The following ACAD10 variants were observed in gnomAD, a reference collection of about 807,000 sequenced individuals.
The protein encoded by ACAD10 is acyl-CoA dehydrogenase family member 10.
Under a neutral mutation model 116.8 loss-of-function variants are expected in ACAD10, and 112 were observed. The ratio of observed to expected loss-of-function variants is 0.96; its 90% CI spans 0.82 to 1.12. The LOEUF (loss-of-function observed/expected upper bound fraction) is 1.12. ACAD10 is among the 50% of genes most tolerant of loss of function. The probability of loss-of-function intolerance (pLI) is 0.00; values close to 1 mark genes in which losing one functional copy is unlikely to be tolerated. For synonymous variants in ACAD10, 486 were observed against 510.6 expected (o/e 0.95, Z 0.65); for missense variants, 1,259 against 1,350.2 (o/e 0.93, Z 1.06).
chr12:111,736,866 C>T lies in ACAD10; in HGVS notation c.1576C>T (p.Pro526Ser), dbSNP rs1253538718. 8 of 1,613,768 alleles carry T rather than the reference C, an allele frequency of 5.0e-6. No individual in the cohort carries two copies. The African/African-American group carries it at 6.7e-5, about 13-fold the overall frequency. ...NDCDLTQLGIPAAEEYFRMYC... is the reference protein window; with the variant it reads ...NDCDLTQLGISAAEEYFRMYC... Reference sequence around the variant, plus strand: ...CTGTGACTTGACACAGCTGGGAATCCCTGCTGCAGAGGAGTATTTCAGGAT... The same window carrying T: ...CTGTGACTTGACACAGCTGGGAATCTCTGCTGCAGAGGAGTATTTCAGGAT... Residue 526 changes from proline to serine, a missense_variant, in exon 12 of 21, where the codon CCT (proline) becomes TCT (serine). Coordinates refer to ENST00000313698, the MANE Select transcript of ACAD10 (RefSeq NM_025247.6).
At chr12:111,713,985 T>C (rs1162942965) in intron 6 of ACAD10, among the ~76,000 whole-genome samples, 1 of 151,370 alleles carries the variant, frequency 6.6e-6, no homozygotes, top group African/African-American at 2.4e-5. Flanking sequence ...AGCTCACCCC[T>C]GTAATCCCCA....
chr12:111,719,687 C>T (rs1888959245), intron 7 of ACAD10, among the ~76,000 whole-genome samples: 2 of 151,756 alleles, frequency 1.3e-5, no homozygotes, highest in Non-Finnish European at 2.9e-5. Context: ...TAAGTAGGTA[C>T]AATTAAAGGC....
chr12:111,729,530 C>G (rs1405943727), intron 9 of ACAD10, among the ~76,000 whole-genome samples: 1 of 152,136 alleles, frequency 6.6e-6, no homozygotes, highest in Non-Finnish European at 1.5e-5. Flanking sequence ...CCATGGCCGG[C>G]CACAAGGTCT....
intron 20 of ACAD10, 177 bp downstream of exon 20, chr12:111,755,922 T>TCGTA: frequency 1.4e-6 from 1 of 737,000 alleles, no homozygotes. Flanking sequence ...GGAGGTGCCA[T>TCGTA]CGTACCCCCA....
chr12:111,756,089 AC>A, intron 20 of ACAD10: 1 of 1,358,460 alleles, frequency 7.4e-7, no homozygotes, highest in Non-Finnish European at 9.6e-7. Context: ...TTAGATCCTA[AC>A]CCCCGGCCCC....
intron 16 of ACAD10, 117 bp from the exon 17 acceptor site, chr12:111,748,200 C>T (rs928897158): frequency 1.0e-5 from 13 of 1,291,580 alleles, no homozygotes; most frequent in South Asian, 2.7e-5. Flanking sequence ...TTACATGGAG[C>T]CTTAAAGAGC....
At chr12:111,732,292 A>G (rs1889409755) in intron 10 of ACAD10, among the ~76,000 whole-genome samples, 1 of 152,220 alleles carries the variant, frequency 6.6e-6, no homozygotes, top group Non-Finnish European at 1.5e-5. Flanking sequence ...TGAGTAAAAT[A>G]AACCAATTTG....
intron 12 of ACAD10, among the ~76,000 whole-genome samples, chr12:111,744,062 T>A (rs1031075618): frequency 6.6e-6 from 1 of 152,066 alleles, no homozygotes; most frequent in Non-Finnish European, 1.5e-5. Flanking sequence ...TAATTTTTTT[T>A]AATGGGGAAA....
Position 111,734,001 on chromosome 12 carries a change from C to A in ACAD10, c.1473C>A (p.Asp491Glu). 6.2e-7 allele frequency: 1 copy of A among 1,614,234 alleles called. No homozygotes were observed. The highest frequency in any genetic ancestry group is 8.5e-7 in the Non-Finnish European group (1 of 1,180,040). Residue 491 changes from aspartate (D) to glutamate (E), a missense_variant, in exon 11 of 21, where the codon GAC becomes GAA. Transcript: ENST00000313698. The stretch of plus-strand genomic sequence containing the variant: ...ACTGGGAACTTTCTACCTTGGGCGA[C>A]CCCCTTGCTGATGTGGCCTACAGCT... ...VLDWELSTLG[D>E]PLADVAYSCL... is the part of the protein sequence containing the mutation.
intron 16 of ACAD10, 37 bp from the exon 17 acceptor site, chr12:111,748,280 T>G (rs755078936): frequency 2.5e-6 from 4 of 1,610,346 alleles, no homozygotes; most frequent in Non-Finnish European, 3.4e-6. Context: ...GGCCCTGGTG[T>G]CAGATGATGG....
chr12:111,735,744 T>G (rs566815095), intron 11 of ACAD10, among the ~76,000 whole-genome samples: 1 of 152,046 alleles, frequency 6.6e-6, no homozygotes, highest in Non-Finnish European at 1.5e-5. Context: ...CGTGAGCCAC[T>G]GCGCCTGGCC....
intron 5 of ACAD10, 128 bp from the exon 6 acceptor site, chr12:111,712,370 T>A: frequency 1.2e-6 from 1 of 848,396 alleles, no homozygotes. Flanking sequence ...ATATATTCTC[T>A]GCACCTGTAC....
At chr12:111,709,491 G>A (rs889869640) in intron 4 of ACAD10, 35 bp from the exon 5 acceptor site, 9 of 1,491,418 alleles carry the variant, frequency 6.0e-6, no homozygotes, top group South Asian at 1.4e-5. Context: ...TCCACCTTTC[G>A]GGACATTCAT....
intron 11 of ACAD10, among the ~76,000 whole-genome samples, chr12:111,736,426 G>A (rs1320513339): frequency 6.6e-6 from 1 of 151,264 alleles, no homozygotes. Flanking sequence ...CCTGACCTCA[G>A]GTGATCCACC....
rs747423412 is a variant in ACAD10 at position 111,749,225 on chromosome 12, G to C, written c.2697G>C (p.Met899Ile). The change falls in exon 18 of 21, where the codon ATG becomes ATC. Residue 899 changes from methionine to isoleucine, a missense_variant. Physicochemically the swap from Met to Ile is conservative, Grantham distance 10. Coordinates refer to ENST00000313698, the MANE Select transcript of ACAD10 (RefSeq NM_025247.6). The stretch of plus-strand genomic sequence containing the variant: ...ACGTGCGTGTGCCCAAAGAGAACAT[G>C]GTCCTGGGCCCTGGCCGAGGCTTTG... ...FEHVRVPKEN[M>I]VLGPGRGFEI... 7.9e-5 allele frequency: 128 copies of C among 1,613,930 alleles called. No homozygotes were observed. The highest frequency in any genetic ancestry group is 1.0e-4 in the Non-Finnish European group (123 of 1,179,958).
chr12:111,727,117 T>C (rs537710882), intron 8 of ACAD10, among the ~76,000 whole-genome samples: 8 of 151,766 alleles, frequency 5.3e-5, no homozygotes, highest in Admixed American at 4.6e-4. Flanking sequence ...TCCCAACTAT[T>C]TGGGAGGCTG....
At chr12:111,698,703 C>T (rs945472538) in intron 2 of ACAD10, among the ~76,000 whole-genome samples, 10 of 151,840 alleles carry the variant, frequency 6.6e-5, no homozygotes, top group African/African-American at 2.2e-4. Flanking sequence ...TCTCGAACTC[C>T]CTACCTTAGG....
chr12:111,733,509 T>C (rs1010307760), intron 10 of ACAD10, among the ~76,000 whole-genome samples: 4 of 152,098 alleles, frequency 2.6e-5, no homozygotes, highest in Non-Finnish European at 5.9e-5. Context: ...TCAGCATCAC[T>C]TCCACGTGTC....
intron 20 of ACAD10, 153 bp from the exon 21 acceptor site, chr12:111,756,180 C>T: frequency 7.0e-7 from 1 of 1,428,708 alleles, no homozygotes; most frequent in Non-Finnish European, 9.1e-7. Flanking sequence ...CCCATGGAAG[C>T]CCTCTGGAAT....
Sources: gnomAD v4.1 joint callset for allele counts (sites outside exome capture counted in the v4.1 genomes callset) on GRCh38, gnomAD v4.1.1 for gene constraint, MANE v1.5 for transcripts, NCBI Gene and HGNC (gene_info 2026-07-23, HGNC 2026-07-21) for gene names.